BTBD10: variants seen among roughly 807,000 people sequenced by gnomAD.
BTBD10 encodes the protein BTB/POZ domain-containing protein 10.
Under a neutral mutation model 53.2 loss-of-function variants are expected in BTBD10, and 21 were observed. The ratio of observed to expected loss-of-function variants is 0.39; its 90% CI spans 0.28 to 0.57. The LOEUF (loss-of-function observed/expected upper bound fraction) is 0.57. Among genes scored for constraint, BTBD10 ranks in the 20% least tolerant of loss-of-function variants. BTBD10 has a pLI of 0.53. For missense variants in BTBD10, 360 were observed against 594.7 expected (o/e 0.61, Z 4.10); for synonymous variants, 149 against 192.7 (o/e 0.77, Z 1.88).
intron 2 of BTBD10, among the ~76,000 whole-genome samples, chr11:13,424,210 G>A (rs1037013142): frequency 2.6e-5 from 4 of 152,140 alleles, no homozygotes; most frequent in African/African-American, 9.7e-5. Flanking sequence ...GTAATTTAAT[G>A]GACAAGGTAC....
Position 13,422,797 on chromosome 11 carries a change from ACAGTC to A in BTBD10, c.102-964_102-960del, listed in dbSNP as rs1179444355. On this transcript the variant is annotated intron_variant, in intron 2 of 8. Transcript: ENST00000278174. ...TGAATAACTCAGAATGCTGATTAAA[ACAGTC>A]CAGCTTACAGAATATTTTAACACAA... Among the ~76,000 whole-genome samples, 5 of 152,352 alleles carry A rather than the reference ACAGTC, an allele frequency of 3.3e-5. 1 individual carries two copies. In the Middle Eastern group the frequency reaches 0.01, roughly 311 times the overall value.
intron 1 of BTBD10, among the ~76,000 whole-genome samples, chr11:13,448,508 A>C (rs2134041183): frequency 6.6e-6 from 1 of 152,288 alleles, no homozygotes; most frequent in South Asian, 2.1e-4. Context: ...GGCCTCTCAC[A>C]TCAATTAATG....
At chr11:13,435,360 A>C (rs1950527940) in intron 2 of BTBD10, among the ~76,000 whole-genome samples, 1 of 152,224 alleles carries the variant, frequency 6.6e-6, no homozygotes, top group South Asian at 2.1e-4. Context: ...ATGCATACAC[A>C]ACCAATATTT....
chr11:13,433,461 AT>A (rs987337122), intron 2 of BTBD10, among the ~76,000 whole-genome samples: 109 of 152,242 alleles, frequency 7.2e-4, no homozygotes, highest in African/African-American at 2.4e-3. Flanking sequence ...AAATTAGCTG[AT>A]TTTTTTACTA....
At position 13,413,595 on chromosome 11, in the gene BTBD10, A is replaced by G. The variant is rs759098928; in HGVS notation, c.743T>C (p.Leu248Pro). The change falls in exon 6 of 9, where the codon CTG becomes CCG. Residue 248 changes from leucine to proline, a missense_variant. Physicochemically the swap from Leu to Pro is moderately conservative, Grantham distance 98. This residue lies in a region of BTBD10 where 91 missense variants were observed against 171.7 expected (regional missense o/e 0.53). Transcript: ENST00000278174. ...RCPDGISIPE[L>P]REACDYLCIS... is the part of the protein sequence containing the mutation. ...ACAAAGATAGTCACATGCTTCTCTC[A>G]GTTCAGGAATAGATATGCCATCAGG... 6.2e-7 allele frequency: 1 copy of G among 1,611,324 alleles called. No individual in the cohort carries two copies. Among genetic ancestry groups the G allele is most frequent in the Non-Finnish European group, 8.5e-7 (1 of 1,178,020 alleles).
chr11:13,427,629 C>T (rs1005876522), intron 2 of BTBD10, among the ~76,000 whole-genome samples: 1 of 152,132 alleles, frequency 6.6e-6, no homozygotes, highest in Non-Finnish European at 1.5e-5. Flanking sequence ...CTGACTTGAT[C>T]TCATTGACAT....
At chr11:13,448,665 T>C (rs1010343730) in intron 1 of BTBD10, among the ~76,000 whole-genome samples, 2 of 152,132 alleles carry the variant, frequency 1.3e-5, no homozygotes, top group Non-Finnish European at 1.5e-5. Context: ...GCCCTTATCA[T>C]CTATCAGTAA....
chr11:13,441,038 T>C (rs1296640047), intron 2 of BTBD10, among the ~76,000 whole-genome samples: 1 of 152,184 alleles, frequency 6.6e-6, no homozygotes, highest in Non-Finnish European at 1.5e-5. Flanking sequence ...TATATAACTA[T>C]GCAACTCTAT....
chr11:13,458,179 A>G (rs1178046115), intron 1 of BTBD10, among the ~76,000 whole-genome samples: 2 of 151,710 alleles, frequency 1.3e-5, no homozygotes, highest in African/African-American at 4.8e-5. Flanking sequence ...CTACTGTTAA[A>G]TAATATCATT....
intron 1 of BTBD10, among the ~76,000 whole-genome samples, chr11:13,453,860 T>C (rs934646769): frequency 6.6e-6 from 1 of 152,156 alleles, no homozygotes; most frequent in Non-Finnish European, 1.5e-5. Flanking sequence ...AAGACCAGCC[T>C]GATCAACATG....
intron 1 of BTBD10, among the ~76,000 whole-genome samples, chr11:13,452,947 T>C (rs185725571): frequency 6.6e-6 from 1 of 152,180 alleles, no homozygotes; most frequent in Non-Finnish European, 1.5e-5. Flanking sequence ...CTAAAAGTTT[T>C]AAGATTTTGC....
chr11:13,455,937 G>T (rs1368632934), intron 1 of BTBD10, among the ~76,000 whole-genome samples: 1 of 152,006 alleles, frequency 6.6e-6, no homozygotes, highest in Non-Finnish European at 1.5e-5. Flanking sequence ...GCTAGTAAAG[G>T]CTCTATTAAA....
In BTBD10 at chr11:13,405,786, G is replaced by A; in HGVS notation, c.879C>T (p.Ile293=). The change falls in exon 7 of 9, where the codon ATC becomes ATT. Residue 293 remains isoleucine (I), a synonymous_variant. Transcript: ENST00000278174. ...GGGCACTAGCTACCATGAGAGGGAG[G>A]ATCATTTCTTCCAGATAAAATTCAA... The part of the protein sequence containing the change: ...RQFEFYLEEM[I]LPLMVASAQS... 1.9e-6 allele frequency: 3 copies of A among 1,613,690 alleles called. No homozygotes were observed. The East Asian group carries it at 6.7e-5, about 36-fold the overall frequency.
At chr11:13,449,883 A>G (rs762976765) in intron 1 of BTBD10, among the ~76,000 whole-genome samples, 2 of 152,236 alleles carry the variant, frequency 1.3e-5, no homozygotes, top group African/African-American at 2.4e-5. Context: ...CTCCACCCTC[A>G]TGACTCAATC....
intron 2 of BTBD10, among the ~76,000 whole-genome samples, chr11:13,440,530 G>A (rs1319768462): frequency 3.9e-5 from 6 of 152,130 alleles, no homozygotes; most frequent in Non-Finnish European, 7.4e-5. Flanking sequence ...TAAAATCAAA[G>A]AGAAAATATT....
chr11:13,461,874 A>C (rs1951106181), intron 1 of BTBD10, among the ~76,000 whole-genome samples: 1 of 152,124 alleles, frequency 6.6e-6, no homozygotes, highest in African/African-American at 2.4e-5. Flanking sequence ...CACGCTGAGA[A>C]ATATTGGGAA....
chr11:13,435,037 C>T (rs1391211323), intron 2 of BTBD10, among the ~76,000 whole-genome samples: 1 of 152,184 alleles, frequency 6.6e-6, no homozygotes, highest in Non-Finnish European at 1.5e-5. Context: ...GCTTATTACA[C>T]ATCTGTGTAT....
At chr11:13,399,198 T>A (rs1336348771) in intron 8 of BTBD10, among the ~76,000 whole-genome samples, 2 of 152,210 alleles carry the variant, frequency 1.3e-5, no homozygotes, top group African/African-American at 4.8e-5. Context: ...GAGACGTAGA[T>A]TTGGTCTTTT....
chr11:13,388,872 T>TGCCA lies in BTBD10; in HGVS notation c.1383_1386dup (p.Asn463TrpfsTer4). 1 of 1,614,034 alleles carries TGCCA rather than the reference T, an allele frequency of 6.2e-7. No individual in the cohort carries two copies. Among genetic ancestry groups the TGCCA allele is most frequent in the East Asian group, 2.2e-5 (1 of 44,874 alleles). On this transcript the variant is annotated frameshift_variant, in exon 9 of 9. Transcript: ENST00000278174. LOFTEE classifies it high-confidence loss of function. ...TGTGCATCAGGATCGAGGTCACTGTTGCCAGAAGGGGGATGGATAGGGAGA... is the reference window on the plus strand; with the variant it reads ...TGTGCATCAGGATCGAGGTCACTGTTGCCAGCCAGAAGGGGGATGGATAGGGAGA...
Sources: allele counts gnomAD v4.1 joint callset (sites outside exome capture counted in the v4.1 genomes callset), GRCh38; gene constraint gnomAD v4.1.1; regional missense constraint gnomAD v4.1.1; transcripts MANE v1.5; gene names NCBI Gene and HGNC (gene_info 2026-07-23, HGNC 2026-07-21).